The following IL4R variants were observed in gnomAD, a reference collection of about 807,000 sequenced individuals.
IL4R encodes interleukin 4 receptor.
Under a neutral mutation model 41.5 loss-of-function variants are expected in IL4R, and 17 were observed. The observed-to-expected ratio is 0.41, with a 90% CI of 0.28 to 0.61. IL4R has a LOEUF of 0.61. Ranked by LOEUF, IL4R falls within the 20% of genes least tolerant of loss-of-function variation. The pLI, the probability that IL4R is intolerant of heterozygous loss-of-function variation, is 0.31. For missense variants in IL4R, 974 were observed against 1,043.1 expected (o/e 0.93, Z 0.91); for synonymous variants, 402 against 422.9 (o/e 0.95, Z 0.61).
chr16:27,341,067 A>G (rs1238167374), intron 3 of IL4R: 2 of 671,054 alleles, frequency 3.0e-6, no homozygotes, highest in Non-Finnish European at 5.5e-6. Context: ...TTATGTTCCA[A>G]AGGACTCTTC....
intron 4 of IL4R, among the ~76,000 whole-genome samples, chr16:27,343,139 A>G (rs1339061348): frequency 6.6e-6 from 1 of 152,228 alleles, no homozygotes; most frequent in Non-Finnish European, 1.5e-5. Flanking sequence ...ACTGGTGCCC[A>G]GGACATAATC....
In IL4R at chr16:27,358,869, A is replaced by T. The variant is rs770587455; in HGVS notation, c.771-47A>T. The T allele has an allele frequency of 3.5e-6, 5 of 1,416,554 alleles. No individual in the cohort carries two copies. The East Asian group carries it at 1.1e-4, about 32-fold the overall frequency. 87.7% of individuals were successfully genotyped at this position (1,416,554 alleles called of 1,614,324 possible). A position where few individuals can be genotyped will look rare whatever the true frequency, so the allele number is the denominator to read the frequency against. ...GACCACTTTTATGGGAGGAGCGTTC[A>T]CCTGTCAATAATTCAGAGATCAACA... On this transcript the variant is annotated intron_variant, in intron 8 of 10. Transcript: ENST00000395762.
intron 9 of IL4R, among the ~76,000 whole-genome samples, chr16:27,359,486 T>C (rs1331366534): frequency 2.0e-5 from 3 of 152,094 alleles, no homozygotes; most frequent in Non-Finnish European, 4.4e-5. Context: ...GATGGTCCTG[T>C]GGGTGAGTGG....
chr16:27,315,959 C>T (rs1352403476), intron 1 of IL4R, among the ~76,000 whole-genome samples: 1 of 152,154 alleles, frequency 6.6e-6, no homozygotes, highest in African/African-American at 2.4e-5. Context: ...TAGGAAGTGA[C>T]TCAATGACTG....
intron 1 of IL4R, among the ~76,000 whole-genome samples, chr16:27,314,468 C>T (rs1386349640): frequency 6.6e-6 from 1 of 152,238 alleles, no homozygotes; most frequent in South Asian, 2.1e-4. Context: ...TCGGGGCGGT[C>T]TCCGCCTCCG....
intron 1 of IL4R, among the ~76,000 whole-genome samples, chr16:27,325,116 C>T (rs2040789): frequency 0.52 from 78,806 of 151,452 alleles, 21,060 homozygotes; most frequent in African/African-American, 0.63. Context: ...GTGTTGTCCC[C>T]GGCCTGCCAA....
At chr16:27,322,938 C>T (rs1012373626) in intron 1 of IL4R, among the ~76,000 whole-genome samples, 10 of 152,192 alleles carry the variant, frequency 6.6e-5, no homozygotes, top group African/African-American at 1.7e-4. Flanking sequence ...GGTCTCCCAC[C>T]GAGTCAGGTT....
intron 2 of IL4R, among the ~76,000 whole-genome samples, chr16:27,337,510 G>A (rs978444744): frequency 6.6e-6 from 1 of 152,072 alleles, no homozygotes; most frequent in African/African-American, 2.4e-5. Context: ...GGGAAGTGAA[G>A]GATGGGCACT....
In IL4R at chr16:27,348,503, C is replaced by G. The variant is rs375956801; in HGVS notation, c.513+1885C>G. Among the ~76,000 whole-genome samples the G allele has an allele frequency of 1.9e-3, 287 of 152,350 alleles. 2 individuals are homozygous for G. The highest frequency in any genetic ancestry group is 6.6e-3 in the African/African-American group (274 of 41,588). On this transcript the variant is annotated intron_variant, in intron 6 of 10. Coordinates refer to ENST00000395762, the MANE Select transcript of IL4R (RefSeq NM_000418.4). The stretch of plus-strand genomic sequence containing the variant: ...GGAACCTGTCCAGCTCTGCGCCCTG[C>G]TTTATTCTGTACTGGCTTCGTTTTT...
chr16:27,361,777 C>CT (rs907442818), intron 10 of IL4R, among the ~76,000 whole-genome samples: 4 of 151,742 alleles, frequency 2.6e-5, no homozygotes, highest in Non-Finnish European at 4.4e-5. Context: ...GCTAATTTTC[C>CT]TTTTTTTTAA....
intron 2 of IL4R, 26 bp from the exon 3 acceptor site, chr16:27,340,160 C>T (rs1484190566): frequency 5.2e-6 from 8 of 1,548,964 alleles, no homozygotes; most frequent in Non-Finnish European, 7.1e-6. Context: ...CAGGTCAGCA[C>T]TAACCTGCTT....
Position 27,363,844 on chromosome 16 carries a change from T to A in IL4R, c.*14T>A, listed in dbSNP as rs767913464. On this transcript the variant is annotated 3_prime_UTR_variant, in exon 11 of 11. Transcript: ENST00000395762. ...AGGGTCTCTTAGGTGCATGTCCTCT[T>A]GTTGCTGAGTCTGCAGATGAGGACT... 1 of 1,592,150 alleles carries A rather than the reference T, an allele frequency of 6.3e-7. No individual in the cohort carries two copies.
At chr16:27,316,464 G>T (rs1265654924) in intron 1 of IL4R, among the ~76,000 whole-genome samples, 1 of 152,198 alleles carries the variant, frequency 6.6e-6, no homozygotes, top group Non-Finnish European at 1.5e-5. Flanking sequence ...TGGGACGATG[G>T]AGGAGAGCGT....
intron 3 of IL4R, chr16:27,341,012 C>G: frequency 3.6e-6 from 2 of 550,110 alleles, no homozygotes; most frequent in South Asian, 3.4e-5. Context: ...GTGGCTGAAT[C>G]AAAAAAGACC....
chr16:27,337,536 A>G (rs1032639971), intron 2 of IL4R, among the ~76,000 whole-genome samples: 7 of 151,982 alleles, frequency 4.6e-5, no homozygotes, highest in African/African-American at 1.7e-4. Flanking sequence ...TGTTGCAGGG[A>G]ATATAACCCA....
In IL4R at chr16:27,363,643, C is replaced by T. The variant is rs561287291; in HGVS notation, c.2291C>T (p.Pro764Leu). The part of the protein sequence containing the change: ...PPTTPLRAPD[P>L]SPGGVPLEAS... ...ACAACCCCCCTGAGGGCCCCAGACC[C>T]CTCTCCAGGTGGGGTTCCACTGGAG... is the stretch of plus-strand genomic sequence containing the variant. The change falls in exon 11 of 11, where the codon CCC (proline) becomes CTC (leucine). Residue 764 changes from proline (P) to leucine (L), a missense_variant. By Grantham distance (98) the Pro-to-Leu change is moderately conservative (BLOSUM62 -3). Transcript: ENST00000395762. 1 of 1,613,864 alleles carries T rather than the reference C, an allele frequency of 6.2e-7. No homozygotes were observed. Among genetic ancestry groups the T allele is most frequent in the East Asian group, 2.2e-5 (1 of 44,856 alleles).
intron 3 of IL4R, among the ~76,000 whole-genome samples, chr16:27,340,475 C>T (rs1007832159): frequency 6.6e-6 from 1 of 152,176 alleles, no homozygotes; most frequent in East Asian, 1.9e-4. Flanking sequence ...GTAATCCCAG[C>T]ACTTCAGGAG....
At chr16:27,338,385 T>C (rs1376948746) in intron 2 of IL4R, among the ~76,000 whole-genome samples, 1 of 151,832 alleles carries the variant, frequency 6.6e-6, no homozygotes, top group African/African-American at 2.4e-5. Flanking sequence ...GCCTGGCTGA[T>C]TTTGTTTAAT....
intron 6 of IL4R, among the ~76,000 whole-genome samples, chr16:27,350,040 C>T (rs932511758): frequency 2.6e-5 from 4 of 152,170 alleles, no homozygotes; most frequent in Admixed American, 1.3e-4. Flanking sequence ...CTTGAGCCAC[C>T]GCATCCAGCC....
Sources: allele counts gnomAD v4.1 joint callset (sites outside exome capture counted in the v4.1 genomes callset), GRCh38; gene constraint gnomAD v4.1.1; transcripts MANE v1.5; gene names NCBI Gene and HGNC (gene_info 2026-07-23, HGNC 2026-07-21).